Variants in CPA6 observed in about 807,000 individuals in gnomAD.
CPA6 encodes the protein carboxypeptidase B.
In CPA6, 58 loss-of-function variants were observed where a neutral mutation model predicts 63.3. The observed-to-expected ratio is 0.92, with a 90% CI of 0.74 to 1.14. The LOEUF (loss-of-function observed/expected upper bound fraction) is 1.14. Ranked by LOEUF, CPA6 falls within the 50% of genes most tolerant of loss-of-function variation. The pLI is 0.00. For synonymous variants in CPA6, 185 were observed against 179.0 expected (o/e 1.03, Z -0.27); for missense variants, 565 against 526.6 (o/e 1.07, Z -0.71).
chr8:67,585,518 A>G (rs1473612620), intron 2 of CPA6, among the ~76,000 whole-genome samples: 1 of 152,064 alleles, frequency 6.6e-6, no homozygotes, highest in African/African-American at 2.4e-5. Flanking sequence ...CAGTTCCTGC[A>G]TACATTCTCG....
At chr8:67,431,662 G>A (rs1033563823) in intron 9 of CPA6, among the ~76,000 whole-genome samples, 1 of 152,072 alleles carries the variant, frequency 6.6e-6, no homozygotes, top group Non-Finnish European at 1.5e-5. Context: ...TTAGGGTGCC[G>A]GGTCAACAAA....
chr8:67,705,922 C>T (rs1365442679), intron 1 of CPA6, among the ~76,000 whole-genome samples: 2 of 151,900 alleles, frequency 1.3e-5, no homozygotes, highest in African/African-American at 4.8e-5. Context: ...TTGTCTAATT[C>T]AAAAGTTATA....
At chr8:67,603,001 G>A (rs760451976) in intron 2 of CPA6, among the ~76,000 whole-genome samples, 4 of 151,910 alleles carry the variant, frequency 2.6e-5, no homozygotes, top group African/African-American at 4.8e-5. Context: ...AACAAAAAAC[G>A]AACCCAAAAG....
intron 4 of CPA6, 35 bp downstream of exon 4, chr8:67,511,506 G>T (rs201329180): frequency 3.0e-5 from 36 of 1,201,342 alleles, no homozygotes; most frequent in Non-Finnish European, 4.2e-5. Flanking sequence ...AGATGACTCT[G>T]TGAAAAACCA....
At position 67,556,209 on chromosome 8, in the gene CPA6, G is replaced by C. The variant is rs551774582; in HGVS notation, c.193-38162C>G. ...ATGGAATAAGGGATTTATTATGGGA[G>C]ATGGGGTTTCTGCGTTCGTAGGAGC... is the stretch of plus-strand genomic sequence containing the variant. On this transcript the variant is annotated intron_variant, in intron 2 of 10. Transcript: ENST00000297770. Among the ~76,000 whole-genome samples, 5 of 152,344 alleles carry C rather than the reference G, an allele frequency of 3.3e-5. No homozygotes were observed. The East Asian group carries it at 9.6e-4, about 29-fold the overall frequency.
At chr8:67,482,015 C>G (rs951058136) in intron 8 of CPA6, among the ~76,000 whole-genome samples, 33 of 152,298 alleles carry the variant, frequency 2.2e-4, no homozygotes, top group African/African-American at 7.2e-4. Flanking sequence ...CAGAAAAAAT[C>G]AGAACGATTC....
At chr8:67,488,726 C>A (rs1298349659) in intron 6 of CPA6, among the ~76,000 whole-genome samples, 1 of 152,126 alleles carries the variant, frequency 6.6e-6, no homozygotes, top group Non-Finnish European at 1.5e-5. Flanking sequence ...TCTTTTATTT[C>A]GTTGAGCGGT....
At chr8:67,698,225 A>C (rs974810919) in intron 1 of CPA6, among the ~76,000 whole-genome samples, 2 of 152,190 alleles carry the variant, frequency 1.3e-5, no homozygotes, top group African/African-American at 2.4e-5. Flanking sequence ...GGGGGTTCTT[A>C]TACCTGACTG....
chr8:67,716,151 C>CAAA (rs56275918), intron 1 of CPA6, among the ~76,000 whole-genome samples: 12 of 76,548 alleles, frequency 1.6e-4, no homozygotes, highest in African/African-American at 5.4e-4. Context: ...GAGCTTGTCT[C>CAAA]AAAAAAAAAA....
intron 2 of CPA6, among the ~76,000 whole-genome samples, chr8:67,596,439 T>C (rs4737846): frequency 0.57 from 87,282 of 152,040 alleles, 27,499 homozygotes; most frequent in African/African-American, 0.84. Context: ...AGATTACATT[T>C]CCCATTTCAT....
chr8:67,538,912 G>A (rs1461704693), intron 2 of CPA6, among the ~76,000 whole-genome samples: 1 of 152,186 alleles, frequency 6.6e-6, no homozygotes, highest in South Asian at 2.1e-4. Flanking sequence ...GCCTGCCTTG[G>A]ACTCCCCAAG....
intron 1 of CPA6, among the ~76,000 whole-genome samples, chr8:67,690,681 T>C (rs1816797488): frequency 2.0e-5 from 3 of 152,122 alleles, no homozygotes; most frequent in Admixed American, 2.0e-4. Context: ...AAAAGAATAT[T>C]AGAAGAGGAA....
At chr8:67,574,312 GT>G (rs559995451) in intron 2 of CPA6, among the ~76,000 whole-genome samples, 64 of 150,032 alleles carry the variant, frequency 4.3e-4, no homozygotes, top group Non-Finnish European at 8.0e-4. Flanking sequence ...GGAGGTGGAG[GT>G]TGCAGTGAGC....
At chr8:67,427,879 C>T (rs896208684) in intron 10 of CPA6, among the ~76,000 whole-genome samples, 168 bp downstream of exon 10, 2 of 152,200 alleles carry the variant, frequency 1.3e-5, no homozygotes, top group African/African-American at 4.8e-5. Context: ...TTCTGTCAAG[C>T]TGTGTAAAAC....
Position 67,483,775 on chromosome 8 carries a change from C to G in CPA6, c.831G>C (p.Lys277Asn), listed in dbSNP as rs201194743. The G allele has an allele frequency of 6.8e-6, 11 of 1,613,972 alleles. No homozygotes were observed. The African/African-American group carries it at 1.3e-4, about 20-fold the overall frequency. The change falls in exon 8 of 11, where the codon AAG becomes AAC. Residue 277 changes from lysine (K) to asparagine (N), a missense_variant. Coordinates refer to ENST00000297770, the MANE Select transcript of CPA6 (RefSeq NM_020361.5). ...AGTTGGTCCCAAACTTACCACACCA[C>G]TTCACTTTCCAGTTTCTATTGGCAT... is the stretch of plus-strand genomic sequence containing the variant. ...GVDANRNWKV[K>N]WCDEGASMHP...
chr8:67,466,186 G>A (rs1192917575), intron 8 of CPA6, among the ~76,000 whole-genome samples: 2 of 150,840 alleles, frequency 1.3e-5, no homozygotes, highest in Non-Finnish European at 2.9e-5. Flanking sequence ...TTCAATCTTG[G>A]GAGAGTGTGT....
chr8:67,670,320 G>T (rs1289434910), intron 1 of CPA6, among the ~76,000 whole-genome samples: 1 of 152,154 alleles, frequency 6.6e-6, no homozygotes, highest in African/African-American at 2.4e-5. Context: ...AGAGCAGGAG[G>T]CGGCAGGGGG....
chr8:67,585,710 T>C (rs1016915149), intron 2 of CPA6, among the ~76,000 whole-genome samples: 1 of 152,180 alleles, frequency 6.6e-6, no homozygotes, highest in Non-Finnish European at 1.5e-5. Flanking sequence ...TATGTTGATA[T>C]GATACGTAAG....
At chr8:67,545,253 T>C (rs779278949) in intron 2 of CPA6, among the ~76,000 whole-genome samples, 4 of 152,174 alleles carry the variant, frequency 2.6e-5, no homozygotes, top group Non-Finnish European at 2.9e-5. Context: ...TTATCCAGAA[T>C]ACAGCTCATT....
Sources: allele counts gnomAD v4.1 joint callset (sites outside exome capture counted in the v4.1 genomes callset), GRCh38; gene constraint gnomAD v4.1.1; transcripts MANE v1.5; gene names NCBI Gene and HGNC (gene_info 2026-07-23, HGNC 2026-07-21).